Variants in LSM4 observed in about 807,000 individuals in gnomAD.
LSM4 encodes the protein U6 snRNA-associated Sm-like protein LSm4.
In LSM4, 15 loss-of-function variants were observed where a neutral mutation model predicts 22.3. The observed-to-expected ratio is 0.67, with a 90% CI of 0.45 to 1.03. LSM4 has a LOEUF of 1.03. Among genes scored for constraint, LSM4 ranks in the 50% least tolerant of loss-of-function variants. The probability of loss-of-function intolerance (pLI) is 0.00; values close to 1 mark genes in which losing one functional copy is unlikely to be tolerated. For missense variants in LSM4, 127 were observed against 198.0 expected (o/e 0.64, Z 2.15); for synonymous variants, 90 against 79.8 (o/e 1.13, Z -0.68).
Position 18,309,670 on chromosome 19 carries a change from A to C in LSM4, c.328+8T>G. ...CCCAGGTACGTCCACTGGAGAGGGG[A>C]GACCCACCTCGGCCAGCGCCGCCCA... On this transcript the variant is annotated splice_region_variant and intron_variant, in intron 4 of 4. Transcript: ENST00000593829. 1.3e-6 allele frequency: 2 copies of C among 1,592,532 alleles called. No individual in the cohort carries two copies. The highest frequency in any genetic ancestry group is 1.7e-6 in the Non-Finnish European group (2 of 1,171,590).
rs777085451 is a variant in LSM4 at position 18,316,018 on chromosome 19, A to G, written c.45+6T>C. On this transcript the variant is annotated splice_donor_region_variant and intron_variant, in intron 2 of 4. Coordinates refer to ENST00000593829, the MANE Select transcript of LSM4 (RefSeq NM_012321.5). ...AACAGGCTTTCCCAGACCACTGAGT[A>G]CTCACCATGGGGTGATTCTGAGCCG... is the stretch of plus-strand genomic sequence containing the variant. 1 of 1,613,262 alleles carries G rather than the reference A, an allele frequency of 6.2e-7. No homozygotes were observed. Among genetic ancestry groups the G allele is most frequent in the South Asian group, 1.1e-5 (1 of 91,028 alleles).
chr19:18,321,198 C>T (rs1970421183), intron 1 of LSM4, among the ~76,000 whole-genome samples: 2 of 152,220 alleles, frequency 1.3e-5, no homozygotes, highest in Admixed American at 6.5e-5. Context: ...GCCCACGCAC[C>T]GTTCTACATA....
chr19:18,309,817 G>A lies in LSM4; in HGVS notation c.189C>T (p.Gly63=), dbSNP rs1970278470. Residue 63 remains glycine, a synonymous_variant, in exon 4 of 5, where the codon GGC becomes GGT. Transcript: ENST00000593829. ...FWRMPECYIR[G]STIKYLRIPD... is the part of the protein sequence containing the mutation. ...GGATGCGCAGGTACTTGATGGTGCT[G>A]CCGCGGATGTAGCACTCGGGCATCC... The A allele has an allele frequency of 1.2e-6, 2 of 1,613,830 alleles. No individual in the cohort carries two copies.
chr19:18,307,558 A>G lies in LSM4; in HGVS notation c.329-3T>C, dbSNP rs2148136252. On this transcript the variant is annotated splice_region_variant and splice_polypyrimidine_tract_variant and intron_variant, in intron 4 of 4. Transcript: ENST00000593829. ...TCGGCCCCGGCCACCAAACACACCT[A>G]GAGGACAGAGAGAGGGCGCTGCAGC... 1.3e-6 allele frequency: 2 copies of G among 1,506,578 alleles called. No individual in the cohort carries two copies. The highest frequency in any genetic ancestry group is 5.3e-5 in the East Asian group (2 of 37,412). 93.3% of individuals were successfully genotyped at this position (1,506,578 alleles called of 1,614,324 possible).
chr19:18,319,190 C>T (rs1252894879), intron 1 of LSM4, among the ~76,000 whole-genome samples: 3 of 147,646 alleles, frequency 2.0e-5, no homozygotes, highest in East Asian at 4.1e-4. Flanking sequence ...TGCAGTGAGC[C>T]AAGATTGCGC....
intron 3 of LSM4, 150 bp from the exon 4 acceptor site, chr19:18,310,011 A>C: frequency 1.4e-6 from 1 of 706,940 alleles, no homozygotes; most frequent in Non-Finnish European, 2.3e-6. Context: ...TACGTGGCAA[A>C]GGGTCCACCC....
chr19:18,312,565 C>T (rs769691686), intron 3 of LSM4, 39 bp downstream of exon 3: 12 of 1,548,858 alleles, frequency 7.7e-6, no homozygotes, highest in Non-Finnish European at 1.1e-5. Context: ...GAGTGTGCAC[C>T]CCCTGCATCC....
rs373801881 is a variant in LSM4 at position 18,316,053 on chromosome 19, G to A, written c.16C>T (p.Leu6=). The A allele has an allele frequency of 6.2e-7, 1 of 1,613,612 alleles. No homozygotes were observed. The highest frequency in any genetic ancestry group is 1.3e-5 in the African/African-American group (1 of 74,882). ...GGGTGATTCTGAGCCGTCTTCAGCA[G>A]TGACAAGGGAAGCTGAAAGGCAAAT... is the stretch of plus-strand genomic sequence containing the variant. MLPLS[L]LKTAQNHPML... The change falls in exon 2 of 5, where the codon CTG becomes TTG. Residue 6 remains leucine (L), a synonymous_variant. Coordinates refer to ENST00000593829, the MANE Select transcript of LSM4 (RefSeq NM_012321.5).
At chr19:18,317,713 T>G (rs1970373577) in intron 1 of LSM4, among the ~76,000 whole-genome samples, 1 of 151,824 alleles carries the variant, frequency 6.6e-6, no homozygotes. Flanking sequence ...TTTTTTTTGA[T>G]GGTGACAGGC....
chr19:18,322,818 C>T (rs1056732214), intron 1 of LSM4, among the ~76,000 whole-genome samples, 200 bp downstream of exon 1: 1 of 152,146 alleles, frequency 6.6e-6, no homozygotes, highest in African/African-American at 2.4e-5. Flanking sequence ...TCCGTGCAAC[C>T]CTAAATCCCA....
In LSM4 at chr19:18,309,683, C is replaced by G. The variant is rs1568297064; in HGVS notation, c.323G>C (p.Gly108Ala). ...QQKGRGMGGAGRGVFGGRGRG... is the reference protein window; with the variant it reads ...QQKGRGMGGAARGVFGGRGRG... ...ACTGGAGAGGGGAGACCCACCTCGG[C>G]CAGCGCCGCCCATGCCGCGGCCTTT... The change falls in exon 4 of 5, where the codon GGC becomes GCC. Residue 108 changes from glycine (G) to alanine (A), a missense_variant. Coordinates refer to ENST00000593829, the MANE Select transcript of LSM4 (RefSeq NM_012321.5). The G allele has an allele frequency of 6.3e-7, 1 of 1,599,604 alleles. No individual in the cohort carries two copies. Among genetic ancestry groups the G allele is most frequent in the Non-Finnish European group, 8.5e-7 (1 of 1,174,646 alleles).
chr19:18,321,309 C>T (rs1250180554), intron 1 of LSM4, among the ~76,000 whole-genome samples: 1 of 152,194 alleles, frequency 6.6e-6, no homozygotes, highest in Non-Finnish European at 1.5e-5. Flanking sequence ...GCCAACTCTG[C>T]CCTCTAAGTA....
intron 3 of LSM4, among the ~76,000 whole-genome samples, chr19:18,311,261 A>AGGTCTCTCAGCCCGG (rs1033853586): frequency 6.6e-6 from 1 of 152,080 alleles, no homozygotes; most frequent in Non-Finnish European, 1.5e-5. Context: ...AGCGCTCCAG[A>AGGTCTCTCAGCCCGG]GGTCTCTCAG....
rs186710028 is a variant in LSM4 at position 18,307,619 on chromosome 19, G to A, written c.329-64C>T. The A allele has an allele frequency of 3.9e-5, 48 of 1,244,330 alleles. No homozygotes were observed. The South Asian group carries it at 7.0e-4, about 18-fold the overall frequency. The allele number at this position is 1,244,330 out of a possible 1,614,324, so 77.1% of individuals were successfully genotyped here. A position where few individuals can be genotyped will look rare whatever the true frequency, so the allele number is the denominator to read the frequency against. On this transcript the variant is annotated intron_variant, in intron 4 of 4. Transcript: ENST00000593829. Reference sequence around the variant, plus strand: ...GGGTGGGACCTTCGACAGGATCCCGGCGCCCTGAAACTCTAGGCCAGGTCA... The same window carrying A: ...GGGTGGGACCTTCGACAGGATCCCGACGCCCTGAAACTCTAGGCCAGGTCA...
At chr19:18,311,849 C>A (rs959774362) in intron 3 of LSM4, among the ~76,000 whole-genome samples, 1 of 152,172 alleles carries the variant, frequency 6.6e-6, no homozygotes, top group Non-Finnish European at 1.5e-5. Flanking sequence ...CGCCTCCCCC[C>A]TCGAGCCCTG....
rs557319788 is a variant in LSM4, at chr19:18,307,085, C to T, written c.*379G>A. On this transcript the variant is annotated 3_prime_UTR_variant, in exon 5 of 5. Transcript: ENST00000593829. ...TGCAGGCTGTCAGTCCCAGCATGAA[C>T]AGCTTAAAATAAAAATCTCCCGTCT... The T allele has an allele frequency of 2.7e-5, 5 of 186,590 alleles. No homozygotes were observed. Among genetic ancestry groups the T allele is most frequent in the African/African-American group, 1.2e-4 (5 of 42,990 alleles). The allele number at this position is 186,590 out of a possible 1,614,324, so 11.6% of individuals were successfully genotyped here.
Position 18,306,887 on chromosome 19 carries a change from A to G in LSM4, c.*577T>C, listed in dbSNP as rs2148135631. 1 of 152,422 alleles carries G rather than the reference A, an allele frequency of 6.6e-6. No individual in the cohort carries two copies. Among genetic ancestry groups the G allele is most frequent in the South Asian group, 2.1e-4 (1 of 4,832 alleles). 9.4% of individuals were successfully genotyped at this position (152,422 alleles called of 1,614,324 possible). ...AGGAGACCCGCTAGGTGCACCCAGA[A>G]GCTCAAAAGGAACAGTGGATGTGCA... On this transcript the variant is annotated 3_prime_UTR_variant, in exon 5 of 5. Transcript: ENST00000593829.
chr19:18,310,807 C>T (rs73007704), intron 3 of LSM4, among the ~76,000 whole-genome samples: 9,437 of 152,268 alleles, frequency 0.062, 387 homozygotes, highest in Non-Finnish European at 0.084. Context: ...CTCTAGGGCC[C>T]GAGATCCTGC....
chr19:18,322,521 T>A (rs887703128), intron 1 of LSM4, among the ~76,000 whole-genome samples: 15 of 152,132 alleles, frequency 9.9e-5, no homozygotes, highest in African/African-American at 3.6e-4. Flanking sequence ...CCAGGCCTGC[T>A]TTTCAGCCAG....
Sources: allele counts gnomAD v4.1 joint callset (sites outside exome capture counted in the v4.1 genomes callset), GRCh38; gene constraint gnomAD v4.1.1; transcripts MANE v1.5; gene names NCBI Gene and HGNC (gene_info 2026-07-23, HGNC 2026-07-21).